RALGDS: variants seen among roughly 807,000 people sequenced by gnomAD.
The protein encoded by RALGDS is ral guanine nucleotide dissociation stimulator.
A neutral mutation model predicts 99.8 loss-of-function variants in RALGDS; 44 were observed. The ratio of observed to expected loss-of-function variants is 0.44; its 90% CI spans 0.35 to 0.57. RALGDS has a LOEUF of 0.57. Ranked by LOEUF, RALGDS falls within the 20% of genes least tolerant of loss-of-function variation. The pLI is 0.01. For missense variants in RALGDS, 1,022 were observed against 1,203.1 expected, an observed-to-expected ratio of 0.85 and a Z score of 2.23; for synonymous variants, 529 against 505.0, an observed-to-expected ratio of 1.05 and a Z score of -0.64.
intron 1 of RALGDS, among the ~76,000 whole-genome samples, chr9:133,127,153 A>G (rs950384213): frequency 1.4e-4 from 22 of 152,224 alleles, no homozygotes; most frequent in Admixed American, 1.2e-3. Context: ...GAGGCAGATC[A>G]TAAAAGCTGC....
chr9:133,131,421 C>G (rs1471460585), upstream of RALGDS, among the ~76,000 whole-genome samples: 1 of 152,062 alleles, frequency 6.6e-6, no homozygotes, highest in Non-Finnish European at 1.5e-5. Context: ...CATTTCTGTC[C>G]CACCCAGAAG....
At chr9:133,128,623 A>G (rs1360526551) in intron 1 of RALGDS, among the ~76,000 whole-genome samples, 1 of 152,212 alleles carries the variant, frequency 6.6e-6, no homozygotes, top group Non-Finnish European at 1.5e-5. Flanking sequence ...CCAAGGGGCC[A>G]TTCTTTCCTG....
upstream of RALGDS, chr9:133,121,382 C>G (rs1831939889): frequency 4.0e-6 from 1 of 250,424 alleles, no homozygotes; most frequent in Non-Finnish European, 6.3e-6. Flanking sequence ...TCGCCGAGGT[C>G]AGACCCGGGG....
rs991324136 is a variant in RALGDS at position 133,115,032 on chromosome 9, G to A, written c.184-2880C>T. On this transcript the variant is annotated intron_variant, in intron 1 of 17. Coordinates refer to ENST00000372050, the MANE Select transcript of RALGDS (RefSeq NM_006266.4). ...CCTGATCAGCCTTCTCAGAGTGACAGGCCAGCAGGATGCCGTGTCCCTGGC... is the reference window on the plus strand; with the variant it reads ...CCTGATCAGCCTTCTCAGAGTGACAAGCCAGCAGGATGCCGTGTCCCTGGC... 1.4e-4 allele frequency among the ~76,000 whole-genome samples: 21 copies of A among 152,208 alleles called. 1 individual carries two copies. Among genetic ancestry groups the A allele is most frequent in the Admixed American group, 1.2e-3 (18 of 15,292 alleles).
exon 1 of RALGDS, chr9:133,149,139 G>A (rs1424510697): frequency 9.0e-6 from 2 of 221,896 alleles, no homozygotes; most frequent in Non-Finnish European, 1.5e-5. Flanking sequence ...GGCCCTCGGG[G>A]CCGCCCCGGC....
At chr9:133,121,434 G>GCGGGGC, upstream of RALGDS, among the ~76,000 whole-genome samples, 1 of 152,116 alleles carries the variant, frequency 6.6e-6, no homozygotes, top group East Asian at 1.9e-4. Flanking sequence ...AACAAAGAGG[G>GCGGGGC]CGGGGCCGGG....
At chr9:133,118,188 CCA>C (rs781000185) in intron 1 of RALGDS, among the ~76,000 whole-genome samples, 1 of 152,208 alleles carries the variant, frequency 6.6e-6, no homozygotes, top group Non-Finnish European at 1.5e-5. Context: ...TCCTGGAAGA[CCA>C]CAGTCTGTAC....
intron 7 of RALGDS, 55 bp downstream of exon 7, chr9:133,107,030 C>T (rs1831099112): frequency 6.3e-7 from 1 of 1,592,030 alleles, no homozygotes; most frequent in Non-Finnish European, 8.6e-7. Context: ...CTGCAGACCA[C>T]AACCTGAGAA....
At chr9:133,105,405 G>A (rs962853500) in intron 9 of RALGDS, among the ~76,000 whole-genome samples, 1 of 152,164 alleles carries the variant, frequency 6.6e-6, no homozygotes, top group Non-Finnish European at 1.5e-5. Flanking sequence ...TCTTCTCGGG[G>A]CAGGGTAGGG....
chr9:133,129,802 CCT>C (rs1832277660), intron 1 of RALGDS, among the ~76,000 whole-genome samples: 1 of 145,052 alleles, frequency 6.9e-6, no homozygotes, highest in Non-Finnish European at 1.5e-5. Context: ...CACGAGATTT[CCT>C]TTCTTCTTTT....
chr9:133,129,176 G>C, intron 1 of RALGDS: 1 of 1,596,716 alleles, frequency 6.3e-7, no homozygotes, highest in East Asian at 2.2e-5. Flanking sequence ...TGCCAGCCAA[G>C]GTGTCGGGCT....
intron 7 of RALGDS, 38 bp from the exon 8 acceptor site, chr9:133,106,786 G>C: frequency 6.7e-7 from 1 of 1,489,270 alleles, no homozygotes; most frequent in Non-Finnish European, 9.3e-7. Context: ...GGTGGGGCTG[G>C]AGCTCCCAGC....
At chr9:133,107,849 G>T in intron 6 of RALGDS, 139 bp downstream of exon 6, 2 of 1,118,502 alleles carry the variant, frequency 1.8e-6, no homozygotes, top group Non-Finnish European at 2.6e-6. Context: ...GTTAAGGAAC[G>T]ACCTGGTTAC....
At chr9:133,143,936 C>T (rs1021776323) in intron 1 of RALGDS, among the ~76,000 whole-genome samples, 1 of 152,070 alleles carries the variant, frequency 6.6e-6, no homozygotes, top group African/African-American at 2.4e-5. Context: ...GACCCCTGCT[C>T]CTCAGCCCCA....
At chr9:133,112,175 C>T in intron 1 of RALGDS, 23 bp from the exon 2 acceptor site, 1 of 1,530,050 alleles carries the variant, frequency 6.5e-7, no homozygotes, top group Non-Finnish European at 8.9e-7. Context: ...CGCCCGGCAG[C>T]CGGGCGCGGG....
At chr9:133,137,476 G>C (rs113823847) in intron 1 of RALGDS, among the ~76,000 whole-genome samples, 2,805 of 152,366 alleles carry the variant, frequency 0.018, 36 homozygotes, top group Non-Finnish European at 0.029. Context: ...AAGAGGTGAT[G>C]AGGCTGGAGA....
chr9:133,132,251 A>C (rs182705258), upstream of RALGDS, among the ~76,000 whole-genome samples: 34 of 152,286 alleles, frequency 2.2e-4, no homozygotes, highest in East Asian at 7.7e-4. Flanking sequence ...CTGTCTGGGT[A>C]CACACTATTA....
At chr9:133,125,379 G>A (rs1172066032), upstream of RALGDS, among the ~76,000 whole-genome samples, 4 of 152,044 alleles carry the variant, frequency 2.6e-5, no homozygotes, top group Admixed American at 1.3e-4. Flanking sequence ...GAAAGCTGGG[G>A]GTCTTTATGC....
chr9:133,103,185 T>A (rs1408632719), intron 12 of RALGDS, 45 bp downstream of exon 12: 1 of 1,611,554 alleles, frequency 6.2e-7, no homozygotes, highest in Non-Finnish European at 8.5e-7. Context: ...CTGGTGGGTC[T>A]GTTTTCCACC....
Sources: allele counts gnomAD v4.1 joint callset (sites outside exome capture counted in the v4.1 genomes callset), GRCh38; gene constraint gnomAD v4.1.1; transcripts MANE v1.5; gene names NCBI Gene and HGNC (gene_info 2026-07-23, HGNC 2026-07-21).